Variants in FGF2 observed in about 807,000 individuals in gnomAD.
The protein encoded by FGF2 is basic fibroblast growth factor bFGF.
A neutral mutation model predicts 15.9 loss-of-function variants in FGF2; 13 were observed. The observed-to-expected ratio is 0.82, with a 90% CI of 0.53 to 1.30. FGF2 has a LOEUF of 1.30. Ranked by LOEUF, FGF2 falls within the 50% of genes most tolerant of loss-of-function variation. The pLI, the probability that FGF2 is intolerant of heterozygous loss-of-function variation, is 0.00. For missense variants in FGF2, 163 were observed against 196.9 expected (o/e 0.83, Z 1.03); for synonymous variants, 90 against 78.4 (o/e 1.15, Z -0.78).
chr4:122,835,195 C>G (rs1401887776), intron 1 of FGF2, among the ~76,000 whole-genome samples: 1 of 152,176 alleles, frequency 6.6e-6, no homozygotes, highest in Non-Finnish European at 1.5e-5. Context: ...AACTCTATCT[C>G]CCATGTGGCT....
chr4:122,860,572 C>T (rs544210810), intron 1 of FGF2, among the ~76,000 whole-genome samples: 2 of 151,270 alleles, frequency 1.3e-5, no homozygotes, highest in Non-Finnish European at 2.9e-5. Context: ...TCTTGTGCCT[C>T]AGCCTCCCAA....
At chr4:122,836,329 C>A (rs553548066) in intron 1 of FGF2, among the ~76,000 whole-genome samples, 1 of 152,216 alleles carries the variant, frequency 6.6e-6, no homozygotes, top group Non-Finnish European at 1.5e-5. Context: ...GTCATCTTAG[C>A]CTTTAACCAG....
intron 1 of FGF2, among the ~76,000 whole-genome samples, chr4:122,873,998 C>G (rs1298845487): frequency 1.3e-5 from 2 of 152,144 alleles, no homozygotes; most frequent in Non-Finnish European, 1.5e-5. Flanking sequence ...TGGCCATACA[C>G]GAATATCCCT....
At position 122,897,926 on chromosome 4, in the gene FGF2, G is replaced by A. The variant is rs528761310; in HGVS notation, c.*5530G>A. ...ATATAAGTGGTTTTGTTTGGTTAAC[G>A]TGATACATTCTGTATGAATGAAACA... On this transcript the variant is annotated 3_prime_UTR_variant, in exon 3 of 3. Transcript: ENST00000644866. 3.4e-5 allele frequency: 16 copies of A among 465,874 alleles called. No homozygotes were observed. Among genetic ancestry groups the A allele is most frequent in the African/African-American group, 5.9e-5 (3 of 50,642 alleles). 28.9% of individuals were successfully genotyped at this position (465,874 alleles called of 1,614,324 possible). A position where few individuals can be genotyped will look rare whatever the true frequency, so the allele number is the denominator to read the frequency against.
At chr4:122,851,605 A>G (rs1726233724) in intron 1 of FGF2, among the ~76,000 whole-genome samples, 1 of 152,236 alleles carries the variant, frequency 6.6e-6, no homozygotes, top group South Asian at 2.1e-4. Context: ...ATATAGATAG[A>G]ATGACAAGCA....
At chr4:122,870,297 T>C (rs1454791949) in intron 1 of FGF2, among the ~76,000 whole-genome samples, 1 of 152,204 alleles carries the variant, frequency 6.6e-6, no homozygotes, top group Non-Finnish European at 1.5e-5. Flanking sequence ...AAGTTTTCTT[T>C]GTTCTGTCTC....
intron 1 of FGF2, among the ~76,000 whole-genome samples, chr4:122,841,554 T>C (rs989239029): frequency 6.6e-6 from 1 of 152,254 alleles, no homozygotes; most frequent in African/African-American, 2.4e-5. Flanking sequence ...TGATTTAATA[T>C]CACTTTTAAT....
At position 122,897,442 on chromosome 4, in the gene FGF2, A is replaced by C; in HGVS notation, c.*5046A>C. The C allele has an allele frequency of 1.6e-6, 1 of 617,082 alleles. No individual in the cohort carries two copies. The highest frequency in any genetic ancestry group is 2.9e-6 in the Non-Finnish European group (1 of 343,506). The allele number at this position is 617,082 out of a possible 1,614,324, so 38.2% of individuals were successfully genotyped here. A position where few individuals can be genotyped will look rare whatever the true frequency, so the allele number is the denominator to read the frequency against. ...TGATATTATTTCTACTAATGGAATA[A>C]ACTGTAATATTAGAAATTATGCTGC... is the stretch of plus-strand genomic sequence containing the variant. On this transcript the variant is annotated 3_prime_UTR_variant, in exon 3 of 3. Coordinates refer to ENST00000644866, the MANE Select transcript of FGF2 (RefSeq NM_001361665.2).
chr4:122,864,475 T>C lies in FGF2; in HGVS notation c.179-11846T>C, dbSNP rs116195933. On this transcript the variant is annotated intron_variant, in intron 1 of 2. Coordinates refer to ENST00000644866, the MANE Select transcript of FGF2 (RefSeq NM_001361665.2). Reference sequence around the variant, plus strand: ...TAAAATTACTGTGAGTGGTATAAAATTACCTGAAGGCATAAAATATCCAGC... The same window carrying C: ...TAAAATTACTGTGAGTGGTATAAAACTACCTGAAGGCATAAAATATCCAGC... 3.3e-3 allele frequency among the ~76,000 whole-genome samples: 510 copies of C among 152,300 alleles called. 2 individuals carry two copies. Among genetic ancestry groups the C allele is most frequent in the African/African-American group, 0.011 (472 of 41,570 alleles).
chr4:122,830,816 CAAA>C lies in FGF2; in HGVS notation c.178+3486_178+3488del, dbSNP rs35597051. Among the ~76,000 whole-genome samples, 8 of 92,818 alleles carry C rather than the reference CAAA, an allele frequency of 8.6e-5. 1 individual carries two copies. In the South Asian group the frequency reaches 1.8e-3, roughly 21 times the overall value. The allele number at this position is 92,818 out of a possible 152,430, so 60.9% of individuals were successfully genotyped here. A position where few individuals can be genotyped will look rare whatever the true frequency, so the allele number is the denominator to read the frequency against. ...AATTTATTCCAGGTGCTCTTATTTA[CAAA>C]AAAAAAAAAAAAAAAAAAAAATGAG... On this transcript the variant is annotated intron_variant, in intron 1 of 2. Transcript: ENST00000644866.
At chr4:122,883,328 C>A (rs1252409227) in intron 2 of FGF2, 2 of 152,162 alleles carry the variant, frequency 1.3e-5, no homozygotes, top group African/African-American at 4.8e-5. Context: ...AATTTGTATA[C>A]CGTTTTTTCC....
rs1727254881 is a variant in FGF2 at position 122,893,552 on chromosome 4, TAAA to T, written c.*1158_*1160del. 1 of 196,534 alleles carries T rather than the reference TAAA, an allele frequency of 5.1e-6. No individual in the cohort carries two copies. The highest frequency in any genetic ancestry group is 1.8e-4 in the South Asian group (1 of 5,586). The allele number at this position is 196,534 out of a possible 1,614,324, so 12.2% of individuals were successfully genotyped here. ...AAGGTAAAAATATAGATTGAAAAGTTAAAACATTTTGCATGGCTGCAGTTCCTT... is the reference window on the plus strand; with the variant it reads ...AAGGTAAAAATATAGATTGAAAAGTTACATTTTGCATGGCTGCAGTTCCTT... On this transcript the variant is annotated 3_prime_UTR_variant, in exon 3 of 3. Coordinates refer to ENST00000644866, the MANE Select transcript of FGF2 (RefSeq NM_001361665.2).
chr4:122,838,645 A>G (rs1020114098), intron 1 of FGF2, among the ~76,000 whole-genome samples: 2 of 152,206 alleles, frequency 1.3e-5, no homozygotes, highest in Non-Finnish European at 2.9e-5. Flanking sequence ...ATTTAAGCAA[A>G]TAATTTAAAC....
In FGF2 at chr4:122,893,108, T is replaced by C. The variant is rs1319038330; in HGVS notation, c.*712T>C. The C allele has an allele frequency of 5.0e-6, 8 of 1,614,074 alleles. No individual in the cohort carries two copies. Among genetic ancestry groups the C allele is most frequent in the Middle Eastern group, 1.6e-4 (1 of 6,084 alleles). On this transcript the variant is annotated 3_prime_UTR_variant, in exon 3 of 3. Transcript: ENST00000644866. ...ATATGGCTTTAGGCGGCAGATGATATACATATCTGACTTCCCAAAAGCTCC... is the reference window on the plus strand; with the variant it reads ...ATATGGCTTTAGGCGGCAGATGATACACATATCTGACTTCCCAAAAGCTCC...
chr4:122,836,224 C>G (rs934783369), intron 1 of FGF2, among the ~76,000 whole-genome samples: 1 of 152,216 alleles, frequency 6.6e-6, no homozygotes, highest in Non-Finnish European at 1.5e-5. Context: ...AGTGGCCACT[C>G]AAAGAATGTT....
chr4:122,842,724 G>A (rs1462679851), intron 1 of FGF2, among the ~76,000 whole-genome samples: 1 of 152,104 alleles, frequency 6.6e-6, no homozygotes, highest in Non-Finnish European at 1.5e-5. Flanking sequence ...TTATCTTATG[G>A]TCTCTGGGAA....
intron 1 of FGF2, among the ~76,000 whole-genome samples, chr4:122,864,923 G>C (rs1221025677): frequency 6.6e-6 from 1 of 152,232 alleles, no homozygotes; most frequent in East Asian, 1.9e-4. Flanking sequence ...TTATTATAAA[G>C]GTAACATGCA....
rs183971761 is a variant in FGF2 at position 122,898,046 on chromosome 4, A to T, written c.*5650A>T. 2.3e-5 allele frequency: 4 copies of T among 174,138 alleles called. No individual in the cohort carries two copies. The highest frequency in any genetic ancestry group is 1.2e-5 in the Non-Finnish European group (1 of 82,354). 10.8% of individuals were successfully genotyped at this position (174,138 alleles called of 1,614,324 possible). On this transcript the variant is annotated 3_prime_UTR_variant, in exon 3 of 3. Coordinates refer to ENST00000644866, the MANE Select transcript of FGF2 (RefSeq NM_001361665.2). Reference sequence around the variant, plus strand: ...GAAGAATCTTACAGATGCTGCTATAAATAAGTAGAAAATATAAATTTCATC... The same window carrying T: ...GAAGAATCTTACAGATGCTGCTATATATAAGTAGAAAATATAAATTTCATC...
At chr4:122,881,994 G>C (rs1726968192) in intron 2 of FGF2, 1 of 152,580 alleles carries the variant, frequency 6.6e-6, no homozygotes, top group East Asian at 1.9e-4. Flanking sequence ...CAGGCAAAGA[G>C]AGAGAGAGCT....
Sources: gnomAD v4.1 joint callset for allele counts (sites outside exome capture counted in the v4.1 genomes callset) on GRCh38, gnomAD v4.1.1 for gene constraint, MANE v1.5 for transcripts, NCBI Gene and HGNC (gene_info 2026-07-23, HGNC 2026-07-21) for gene names.